Variants in MTSS1 observed in about 807,000 individuals in gnomAD.
The protein encoded by MTSS1 is MTSS I-BAR domain containing 1.
A neutral mutation model predicts 79.0 loss-of-function variants in MTSS1; 18 were observed. That is an observed-to-expected ratio of 0.23 (90% confidence interval 0.16 to 0.34). The LOEUF is 0.34. Among genes scored for constraint, MTSS1 ranks in the 10% least tolerant of loss-of-function variants. MTSS1 has a pLI of 1.00. For missense variants in MTSS1, 815 were observed against 986.2 expected (o/e 0.83, Z 2.33); for synonymous variants, 341 against 368.6 (o/e 0.93, Z 0.86).
intron 3 of MTSS1, among the ~76,000 whole-genome samples, chr8:124,663,443 G>A (rs1028773603): frequency 1.3e-5 from 2 of 152,030 alleles, no homozygotes; most frequent in African/African-American, 4.8e-5. Context: ...CAAATCGGAA[G>A]CCTCTGAGGC....
chr8:124,556,081 C>G (rs1439441840), intron 12 of MTSS1, 151 bp downstream of exon 12: 1 of 1,545,654 alleles, frequency 6.5e-7, no homozygotes, highest in Non-Finnish European at 8.7e-7. Context: ...GGTTTTTTTC[C>G]CAGGGACTTT....
At chr8:124,605,701 T>G (rs1834716265) in intron 3 of MTSS1, among the ~76,000 whole-genome samples, 1 of 152,156 alleles carries the variant, frequency 6.6e-6, no homozygotes. Flanking sequence ...CGCTAGCACC[T>G]AAAATCAGGT....
intron 6 of MTSS1, among the ~76,000 whole-genome samples, chr8:124,581,287 C>CAAAA (rs10616707): frequency 8.2e-4 from 83 of 100,858 alleles, no homozygotes; most frequent in Non-Finnish European, 1.2e-3. Flanking sequence ...GATGCTGACT[C>CAAAA]AAAAAAAAAA....
chr8:124,618,214 C>A (rs1435934648), intron 3 of MTSS1, among the ~76,000 whole-genome samples: 1 of 152,126 alleles, frequency 6.6e-6, no homozygotes, highest in Admixed American at 6.5e-5. Flanking sequence ...GCCTTTATAA[C>A]CTAAATCTCT....
Position 124,562,953 on chromosome 8 carries a change from G to A in MTSS1, c.864C>T (p.Ser288=), listed in dbSNP as rs780763810. The change falls in exon 10 of 14, where the codon AGC becomes AGT. Residue 288 remains serine, a synonymous_variant. Coordinates refer to ENST00000518547, the MANE Select transcript of MTSS1 (RefSeq NM_014751.6). ...AGCTGGGGGAATGCGAGTGGGAGCC[G>A]CTGGACCGGGAGTCACTGCTGTTGA... is the stretch of plus-strand genomic sequence containing the variant. The part of the protein sequence containing the change: ...NSVNSSDSRS[S]GSHSHSPSSH... The A allele has an allele frequency of 2.7e-5, 43 of 1,612,058 alleles. No individual in the cohort carries two copies. The highest frequency in any genetic ancestry group is 1.1e-4 in the East Asian group (5 of 44,842).
chr8:124,710,238 G>T (rs1406758752), intron 1 of MTSS1, among the ~76,000 whole-genome samples: 1 of 152,240 alleles, frequency 6.6e-6, no homozygotes. Flanking sequence ...GAAGACCGGG[G>T]TGGCCTTCAT....
At chr8:124,662,818 G>T (rs1205524200) in intron 3 of MTSS1, among the ~76,000 whole-genome samples, 3 of 151,934 alleles carry the variant, frequency 2.0e-5, no homozygotes, top group Non-Finnish European at 4.4e-5. Flanking sequence ...CAAAATTCTT[G>T]GGAGGAAACA....
At chr8:124,600,916 T>C (rs1199274144) in intron 3 of MTSS1, among the ~76,000 whole-genome samples, 1 of 152,138 alleles carries the variant, frequency 6.6e-6, no homozygotes, top group African/African-American at 2.4e-5. Context: ...TAATGGGAAG[T>C]GAAAGCTGGG....
chr8:124,699,340 C>CT, intron 3 of MTSS1, 186 bp downstream of exon 3: 1 of 585,324 alleles, frequency 1.7e-6, no homozygotes, highest in Non-Finnish European at 3.0e-6. Context: ...TTCACATGTG[C>CT]TTTATTATCC....
intron 3 of MTSS1, among the ~76,000 whole-genome samples, chr8:124,677,168 C>A (rs911985841): frequency 6.6e-6 from 1 of 152,084 alleles, no homozygotes; most frequent in Non-Finnish European, 1.5e-5. Flanking sequence ...CAGGGGTACA[C>A]AAATCAGGAG....
chr8:124,598,463 G>C (rs1256791664), intron 3 of MTSS1, among the ~76,000 whole-genome samples: 1 of 152,078 alleles, frequency 6.6e-6, no homozygotes, highest in African/African-American at 2.4e-5. Flanking sequence ...ACTGGCGTAG[G>C]AACATGCATC....
chr8:124,610,546 G>A (rs1835618611), intron 3 of MTSS1, among the ~76,000 whole-genome samples: 1 of 152,176 alleles, frequency 6.6e-6, no homozygotes, highest in African/African-American at 2.4e-5. Context: ...CAGCATCTAG[G>A]AGAATCTAAA....
rs141000246 is a variant in MTSS1, at chr8:124,608,326, T to C, written c.209-17091A>G. 4.1e-3 allele frequency among the ~76,000 whole-genome samples: 627 copies of C among 152,312 alleles called. 7 individuals carry two copies. The highest frequency in any genetic ancestry group is 0.015 in the African/African-American group (604 of 41,556). On this transcript the variant is annotated intron_variant, in intron 3 of 13. Coordinates refer to ENST00000518547, the MANE Select transcript of MTSS1 (RefSeq NM_014751.6). ...ACCTGACTGTGGCTCAGTCATCAGT[T>C]AGGAAGTTGCCAGAAGGCAATGGGA...
At chr8:124,595,654 C>T (rs1832632297) in intron 3 of MTSS1, among the ~76,000 whole-genome samples, 1 of 152,188 alleles carries the variant, frequency 6.6e-6, no homozygotes. Flanking sequence ...TGCCTCAAGA[C>T]CCTTAACCAC....
intron 3 of MTSS1, among the ~76,000 whole-genome samples, chr8:124,593,278 C>G (rs1832171713): frequency 6.6e-6 from 1 of 152,234 alleles, no homozygotes. Context: ...CCCGGCCACA[C>G]AAGGAAACTG....
At position 124,727,608 on chromosome 8, in the gene MTSS1, C is replaced by T. The variant is rs747592219; in HGVS notation, c.72+276G>A. 1.6e-6 allele frequency: 1 copy of T among 609,216 alleles called. No individual in the cohort carries two copies. The highest frequency in any genetic ancestry group is 3.1e-6 in the Non-Finnish European group (1 of 325,242). 37.7% of individuals were successfully genotyped at this position (609,216 alleles called of 1,614,324 possible). A position where few individuals can be genotyped will look rare whatever the true frequency, so the allele number is the denominator to read the frequency against. Reference sequence around the variant, plus strand: ...ACTTGCAGCCAGTGCCTTGAGCCCCCGAGGGAAAGAAATGGTGCCGCCCCC... The same window carrying T: ...ACTTGCAGCCAGTGCCTTGAGCCCCTGAGGGAAAGAAATGGTGCCGCCCCC... On this transcript the variant is annotated intron_variant, in intron 1 of 13. Coordinates refer to ENST00000518547, the MANE Select transcript of MTSS1 (RefSeq NM_014751.6). This position sits in a 1 kb window ranked among gnomAD's most constrained non-coding sequence, Gnocchi z 4.7.
At chr8:124,716,914 A>T (rs1832087925) in intron 1 of MTSS1, among the ~76,000 whole-genome samples, 2 of 152,030 alleles carry the variant, frequency 1.3e-5, no homozygotes. Flanking sequence ...ATTTTGACCA[A>T]GGATAAAAAG....
intron 3 of MTSS1, among the ~76,000 whole-genome samples, chr8:124,636,567 C>T (rs1446959204): frequency 6.6e-6 from 1 of 152,182 alleles, no homozygotes; most frequent in Non-Finnish European, 1.5e-5. Flanking sequence ...CATGATCATT[C>T]TGACAGCTGT....
At chr8:124,714,628 A>T (rs1162814156) in intron 1 of MTSS1, among the ~76,000 whole-genome samples, 1 of 151,870 alleles carries the variant, frequency 6.6e-6, no homozygotes, top group Non-Finnish European at 1.5e-5. Flanking sequence ...TGTTCAGCTA[A>T]TTTTTTGTAT....
Sources: gnomAD v4.1 joint callset for allele counts (sites outside exome capture counted in the v4.1 genomes callset) on GRCh38, gnomAD v4.1.1 for gene constraint, Gnocchi (gnomAD v3.1) non-coding constraint, MANE v1.5 for transcripts, NCBI Gene and HGNC (gene_info 2026-07-23, HGNC 2026-07-21) for gene names.